Variants in PIGZ observed in about 807,000 individuals in gnomAD.
PIGZ encodes phosphatidylinositol glycan anchor biosynthesis class Z (Gwada blood group), also known as GPI alpha-1,2-mannosyltransferase 4.
PIGZ carries 16 observed loss-of-function variants against 16.4 expected under a neutral mutation model. The observed-to-expected ratio is 0.97, with a 90% confidence interval of 0.66 to 1.48. PIGZ has a LOEUF of 1.48. Among genes scored for constraint, PIGZ ranks in the 40% most tolerant of loss-of-function variants. The pLI, the probability that PIGZ is intolerant of heterozygous loss-of-function variation, is 0.00. For missense variants in PIGZ, 770 were observed against 739.2 expected (o/e 1.04, Z -0.48); for synonymous variants, 409 against 338.4 (o/e 1.21, Z -2.29).
At chr3:196,967,402 G>C (rs780717125) in intron 1 of PIGZ, among the ~76,000 whole-genome samples, 1 of 152,212 alleles carries the variant, frequency 6.6e-6, no homozygotes, top group Non-Finnish European at 1.5e-5. Flanking sequence ...TCCTGGCAAA[G>C]CTGCTGGGTT....
At position 196,948,442 on chromosome 3, in the gene PIGZ, C is replaced by A. The variant is rs984311974; in HGVS notation, c.455G>T (p.Gly152Val). The stretch of plus-strand genomic sequence containing the variant: ...GGCCAGGGCGTTCCAGCGATCCGCC[C>A]CCATCGGCGGGGCCAGGTGGTACAC... ...GAVYHLAPPM[G>V]ADRWNALALL... Residue 152 changes from glycine (G) to valine (V), a missense_variant, in exon 3 of 3, where the codon GGG becomes GTG. By Grantham distance (109) the Gly-to-Val change is moderately radical. Transcript: ENST00000412723. 8 of 1,614,026 alleles carry A rather than the reference C, an allele frequency of 5.0e-6. No homozygotes were observed. The Admixed American group carries it at 6.7e-5, about 13-fold the overall frequency.
chr3:196,951,695 G>C (rs556054), intron 2 of PIGZ, 126 bp downstream of exon 2: 5 of 868,952 alleles, frequency 5.8e-6, no homozygotes, highest in Non-Finnish European at 9.1e-6. Flanking sequence ...GAGAGAGGCT[G>C]CTGCTCTGCT....
At chr3:196,956,955 T>C (rs1409194100) in intron 1 of PIGZ, among the ~76,000 whole-genome samples, 3 of 152,252 alleles carry the variant, frequency 2.0e-5, no homozygotes, top group Non-Finnish European at 4.4e-5. Context: ...CTGCTGGATC[T>C]CACTCATAGT....
intron 1 of PIGZ, among the ~76,000 whole-genome samples, chr3:196,967,178 C>T (rs1032510776): frequency 1.6e-4 from 25 of 152,184 alleles, no homozygotes; most frequent in African/African-American, 5.5e-4. Context: ...AGTAGAAACA[C>T]TGCTCCCGCC....
chr3:196,954,301 GT>G (rs67301616), intron 1 of PIGZ, among the ~76,000 whole-genome samples: 54,422 of 151,766 alleles, frequency 0.36, 10,770 homozygotes, highest in East Asian at 0.83. Context: ...TCAATAAAAA[GT>G]TTTTTTTAAA....
chr3:196,956,561 G>A (rs1426710762), intron 1 of PIGZ, among the ~76,000 whole-genome samples: 1 of 152,216 alleles, frequency 6.6e-6, no homozygotes, highest in African/African-American at 2.4e-5. Context: ...TATAATTCAA[G>A]ATGAGATTTG....
chr3:196,957,707 T>C (rs1179904172), intron 1 of PIGZ, among the ~76,000 whole-genome samples: 4 of 152,160 alleles, frequency 2.6e-5, no homozygotes, highest in Non-Finnish European at 5.9e-5. Flanking sequence ...CACCTTTATA[T>C]TAGAACGTGG....
rs1717044620 is a variant in PIGZ, at chr3:196,948,504, G to A, written c.393C>T (p.Leu131=). The change falls in exon 3 of 3, where the codon CTC becomes CTT. Residue 131 remains leucine (L), a synonymous_variant. Transcript: ENST00000412723. Reference sequence around the variant, plus strand: ...GAGCAAAGGAAAGGGCAGTGAGGAGGAGTCGAGGCCCCACCAGCAGCGCAT... The same window carrying A: ...GAGCAAAGGAAAGGGCAGTGAGGAGAAGTCGAGGCCCCACCAGCAGCGCAT... The part of the protein sequence containing the change: ...SGYALLVGPR[L]LLTALSFALD... 2 of 1,612,956 alleles carry A rather than the reference G, an allele frequency of 1.2e-6. No homozygotes were observed. Among genetic ancestry groups the A allele is most frequent in the East Asian group, 2.2e-5 (1 of 44,868 alleles).
At chr3:196,950,906 G>A (rs929254011) in intron 2 of PIGZ, among the ~76,000 whole-genome samples, 2 of 152,044 alleles carry the variant, frequency 1.3e-5, no homozygotes, top group Non-Finnish European at 2.9e-5. Context: ...CACCATGCCA[G>A]GCTAATGTTT....
chr3:196,947,476 TGTA>T lies in PIGZ; in HGVS notation c.1418_1420del (p.Leu473del). 6.2e-7 allele frequency: 1 copy of T among 1,612,742 alleles called. No homozygotes were observed. Among genetic ancestry groups the T allele is most frequent in the Non-Finnish European group, 8.5e-7 (1 of 1,179,768 alleles). ...CACTGGTGCCCCCAGGCCTGGGAGGTGTAGGAGGTGCCGGGGGGGCATGTAGGT... is the reference window on the plus strand; with the variant it reads ...CACTGGTGCCCCCAGGCCTGGGAGGTGGAGGTGCCGGGGGGGCATGTAGGT... On this transcript the variant is annotated inframe_deletion, in exon 3 of 3. Coordinates refer to ENST00000412723, the MANE Select transcript of PIGZ (RefSeq NM_025163.4).
chr3:196,954,449 TTTTC>T lies in PIGZ; in HGVS notation c.1-2422_1-2419del, dbSNP rs554207324. ...AATATTGGTTTACTTGTGCATTCTT[TTTTC>T]TTTCTTTATAATCGTCACCAGAATT... On this transcript the variant is annotated intron_variant, in intron 1 of 2. Transcript: ENST00000412723. Among the ~76,000 whole-genome samples the T allele has an allele frequency of 1.2e-3, 178 of 152,386 alleles. 1 individual carries two copies. The highest frequency in any genetic ancestry group is 7.2e-3 in the Admixed American group (110 of 15,310).
intron 1 of PIGZ, among the ~76,000 whole-genome samples, chr3:196,962,777 T>G (rs1316954410): frequency 1.3e-5 from 2 of 151,638 alleles, no homozygotes; most frequent in Non-Finnish European, 3.0e-5. Context: ...TGACACAGAG[T>G]CTTTTGTTCA....
chr3:196,964,790 G>A (rs569585251), intron 1 of PIGZ, among the ~76,000 whole-genome samples: 3 of 152,190 alleles, frequency 2.0e-5, no homozygotes, highest in Admixed American at 6.5e-5. Context: ...AGGCTGGAGC[G>A]CAGTGGCATG....
intron 1 of PIGZ, among the ~76,000 whole-genome samples, chr3:196,967,799 A>G (rs1426697508): frequency 6.6e-6 from 1 of 152,204 alleles, no homozygotes; most frequent in African/African-American, 2.4e-5. Flanking sequence ...AACACACAAC[A>G]TTAAACACAC....
chr3:196,965,160 A>G lies in PIGZ; in HGVS notation c.-1+3527T>C, dbSNP rs1717877216. On this transcript the variant is annotated intron_variant, in intron 1 of 2. Transcript: ENST00000412723. This position sits in a 1 kb window ranked among gnomAD's most constrained non-coding sequence, Gnocchi z 4.2. Reference sequence around the variant, plus strand: ...TGTGTTAATCTATTCTCACACTGCTATAAAGAACTGCCCAAGACTGGGCAA... The same window carrying G: ...TGTGTTAATCTATTCTCACACTGCTGTAAAGAACTGCCCAAGACTGGGCAA... 6.6e-6 allele frequency among the ~76,000 whole-genome samples: 1 copy of G among 152,236 alleles called. No homozygotes were observed. Among genetic ancestry groups the G allele is most frequent in the South Asian group, 2.1e-4 (1 of 4,836 alleles).
In PIGZ at chr3:196,965,368, T is replaced by C. The variant is rs570528307; in HGVS notation, c.-1+3319A>G. Reference sequence around the variant, plus strand: ...AGATCTCATGAGAACTCCCTAACTATCCGAAGAACAGCGTGGGGGAAACCA... The same window carrying C: ...AGATCTCATGAGAACTCCCTAACTACCCGAAGAACAGCGTGGGGGAAACCA... On this transcript the variant is annotated intron_variant, in intron 1 of 2. Transcript: ENST00000412723. The surrounding 1 kb of genome is among the most constrained non-coding windows in gnomAD (Gnocchi z 4.2). Among the ~76,000 whole-genome samples the C allele has an allele frequency of 6.6e-6, 1 of 151,986 alleles. No individual in the cohort carries two copies. The highest frequency in any genetic ancestry group is 6.6e-5 in the Admixed American group (1 of 15,256).
rs567036303 is a variant in PIGZ at position 196,967,315 on chromosome 3, A to C, written c.-1+1372T>G. Among the ~76,000 whole-genome samples, 405 of 152,224 alleles carry C rather than the reference A, an allele frequency of 2.7e-3. 2 individuals carry two copies. Among genetic ancestry groups the C allele is most frequent in the African/African-American group, 6.2e-3 (256 of 41,532 alleles). ...CGTGTCTGCTCCAGGGACAGCCGTG[A>C]ACGAGCGCCGTCCGGAGTGGCAGGG... is the stretch of plus-strand genomic sequence containing the variant. On this transcript the variant is annotated intron_variant, in intron 1 of 2. Coordinates refer to ENST00000412723, the MANE Select transcript of PIGZ (RefSeq NM_025163.4).
chr3:196,960,671 A>C (rs759780066), intron 1 of PIGZ, among the ~76,000 whole-genome samples: 12 of 151,738 alleles, frequency 7.9e-5, no homozygotes, highest in Non-Finnish European at 1.6e-4. Context: ...CCTGTCTCAA[A>C]AAAAAAGAAA....
At chr3:196,952,624 G>A (rs1717334057) in intron 1 of PIGZ, among the ~76,000 whole-genome samples, 1 of 152,168 alleles carries the variant, frequency 6.6e-6, no homozygotes. Flanking sequence ...TTTTAGTAGA[G>A]ACGGGGTTTC....
Sources: gnomAD v4.1 joint callset for allele counts (sites outside exome capture counted in the v4.1 genomes callset) on GRCh38, gnomAD v4.1.1 for gene constraint, Gnocchi (gnomAD v3.1) non-coding constraint, MANE v1.5 for transcripts, NCBI Gene and HGNC (gene_info 2026-07-23, HGNC 2026-07-21) for gene names.